The following PLEKHA5 variants were observed in gnomAD, a reference collection of about 807,000 sequenced individuals.
PLEKHA5 encodes the protein pleckstrin homology domain containing A5, also known as pleckstrin homology domain-containing family A member 5.
Under a neutral mutation model 181.9 loss-of-function variants are expected in PLEKHA5, and 55 were observed. That is an observed-to-expected ratio of 0.30 (90% confidence interval 0.24 to 0.38). PLEKHA5 has a LOEUF of 0.38. Ranked by LOEUF, PLEKHA5 falls within the 10% of genes least tolerant of loss-of-function variation. The probability of loss-of-function intolerance (pLI) is 1.00; values close to 1 mark genes in which losing one functional copy is unlikely to be tolerated. For missense variants in PLEKHA5, 1,432 were observed against 1,549.5 expected, an observed-to-expected ratio of 0.92 and a Z score of 1.27; for synonymous variants, 535 against 529.4, an observed-to-expected ratio of 1.01 and a Z score of -0.15.
chr12:19,183,161 A>G (rs1429423401), intron 3 of PLEKHA5, among the ~76,000 whole-genome samples: 3 of 152,228 alleles, frequency 2.0e-5, no homozygotes, highest in African/African-American at 4.8e-5. Flanking sequence ...GTTTAAAATT[A>G]TATACAACTT....
At chr12:19,193,433 C>G (rs2051748500) in intron 3 of PLEKHA5, among the ~76,000 whole-genome samples, 1 of 152,074 alleles carries the variant, frequency 6.6e-6, no homozygotes, top group Non-Finnish European at 1.5e-5. Context: ...TTTCTTACTT[C>G]AAATGGAAAG....
At chr12:19,208,290 C>T (rs2056101270) in intron 3 of PLEKHA5, among the ~76,000 whole-genome samples, 1 of 151,966 alleles carries the variant, frequency 6.6e-6, no homozygotes, top group Non-Finnish European at 1.5e-5. Flanking sequence ...CGCCTATAAT[C>T]CCAGCTACTC....
intron 7 of PLEKHA5, among the ~76,000 whole-genome samples, chr12:19,262,360 A>G (rs2068768396): frequency 6.6e-6 from 1 of 152,062 alleles, no homozygotes; most frequent in Admixed American, 6.6e-5. Flanking sequence ...CAGCCTCCCA[A>G]GTAGCTGGGA....
chr12:19,265,998 A>ACCCTC (rs2070235566), intron 8 of PLEKHA5, 148 bp downstream of exon 8: 1 of 444,096 alleles, frequency 2.3e-6, no homozygotes, highest in African/African-American at 2.0e-5. Flanking sequence ...GTTGTATAGA[A>ACCCTC]GAATGTCCCT....
intron 26 of PLEKHA5, 138 bp downstream of exon 26, chr12:19,354,140 A>ATTTTTTTTTTTTTTTTT (rs1565654916): frequency 2.9e-5 from 2 of 69,746 alleles, no homozygotes; most frequent in Non-Finnish European, 3.3e-5. Flanking sequence ...GTTATTCTTT[A>ATTTTTTTTTTTTTTTTT]TTCTTTTTTT....
chr12:19,268,351 G>T (rs561710941), intron 8 of PLEKHA5, among the ~76,000 whole-genome samples: 3 of 152,132 alleles, frequency 2.0e-5, no homozygotes, highest in Admixed American at 6.6e-5. Context: ...ACTTTTTTCT[G>T]CGTTTTTAGA....
chr12:19,132,494 C>A, intron 3 of PLEKHA5, 44 bp downstream of exon 3: 1 of 936,380 alleles, frequency 1.1e-6, no homozygotes, highest in Non-Finnish European at 1.7e-6. Flanking sequence ...AATTAGAATG[C>A]TGTGATTACT....
chr12:19,298,875 G>A (rs1340244805), intron 15 of PLEKHA5, among the ~76,000 whole-genome samples: 1 of 152,166 alleles, frequency 6.6e-6, no homozygotes, highest in African/African-American at 2.4e-5. Context: ...CTTAGACTAG[G>A]AACTTAAGGC....
intron 3 of PLEKHA5, among the ~76,000 whole-genome samples, chr12:19,163,317 C>T (rs1206370959): frequency 6.6e-6 from 1 of 152,060 alleles, no homozygotes; most frequent in Non-Finnish European, 1.5e-5. Flanking sequence ...GCTGGGACTA[C>T]AGGCGCCAGC....
At chr12:19,283,839 T>C (rs2076665042) in intron 12 of PLEKHA5, 94 bp downstream of exon 12, 3 of 759,266 alleles carry the variant, frequency 4.0e-6, no homozygotes, top group Non-Finnish European at 6.4e-6. Flanking sequence ...GACAAAAGAA[T>C]GGGGATAAAG....
intron 25 of PLEKHA5, among the ~76,000 whole-genome samples, chr12:19,351,531 A>T (rs1389285617): frequency 6.6e-6 from 1 of 152,124 alleles, no homozygotes; most frequent in African/African-American, 2.4e-5. Flanking sequence ...CTAACTTCAG[A>T]CTTTCATAAG....
intron 25 of PLEKHA5, among the ~76,000 whole-genome samples, chr12:19,353,678 C>T (rs1435070719): frequency 2.0e-5 from 3 of 150,958 alleles, no homozygotes; most frequent in Admixed American, 2.0e-4. Context: ...AGGCTGGTCT[C>T]AAACTCCTGA....
At chr12:19,180,870 A>C (rs2048378763) in intron 3 of PLEKHA5, among the ~76,000 whole-genome samples, 1 of 151,842 alleles carries the variant, frequency 6.6e-6, no homozygotes, top group Non-Finnish European at 1.5e-5. Flanking sequence ...CTCCTAAAAA[A>C]CATCAGCCAC....
At chr12:19,251,385 C>G (rs1461913961) in intron 3 of PLEKHA5, among the ~76,000 whole-genome samples, 2 of 131,542 alleles carry the variant, frequency 1.5e-5, no homozygotes, top group Admixed American at 8.4e-5. Flanking sequence ...GCAGCCTGGG[C>G]AACAGAGCAA....
chr12:19,347,872 C>A (rs913908636), intron 24 of PLEKHA5, among the ~76,000 whole-genome samples: 13 of 144,690 alleles, frequency 9.0e-5, no homozygotes, highest in African/African-American at 3.1e-4. Context: ...CTAAGAGGAA[C>A]AGAAATATTC....
At chr12:19,222,012 C>T (rs1193792583) in intron 3 of PLEKHA5, among the ~76,000 whole-genome samples, 1 of 152,096 alleles carries the variant, frequency 6.6e-6, no homozygotes, top group African/African-American at 2.4e-5. Flanking sequence ...GTCCCAGCTA[C>T]TCAGGAGGCT....
chr12:19,342,134 G>T (rs1592562620), intron 21 of PLEKHA5, among the ~76,000 whole-genome samples: 1 of 152,120 alleles, frequency 6.6e-6, no homozygotes, highest in East Asian at 1.9e-4. Flanking sequence ...CTCAGCCAAA[G>T]AAAGTATTGT....
chr12:19,178,936 A>G (rs906729281), intron 3 of PLEKHA5, among the ~76,000 whole-genome samples: 21 of 152,240 alleles, frequency 1.4e-4, no homozygotes, highest in Non-Finnish European at 5.9e-5. Context: ...CCTAGAAATC[A>G]TGTATGTCCT....
rs548602461 is a variant in PLEKHA5 at position 19,176,980 on chromosome 12, G to A, written c.227+44530G>A. On this transcript the variant is annotated intron_variant, in intron 3 of 31. Transcript: ENST00000429027. Reference sequence around the variant, plus strand: ...CCTGGTTCAAGCGAGTCTCTCTCCCGCCTCGGCCTCCTGAGTAGCTGGGAT... The same window carrying A: ...CCTGGTTCAAGCGAGTCTCTCTCCCACCTCGGCCTCCTGAGTAGCTGGGAT... Among the ~76,000 whole-genome samples, 8 of 151,938 alleles carry A rather than the reference G, an allele frequency of 5.3e-5. No homozygotes were observed. The South Asian group carries it at 1.2e-3, about 24-fold the overall frequency.
Sources: allele counts gnomAD v4.1 joint callset (sites outside exome capture counted in the v4.1 genomes callset), GRCh38; gene constraint gnomAD v4.1.1; transcripts MANE v1.5; gene names NCBI Gene and HGNC (gene_info 2026-07-23, HGNC 2026-07-21).